CDYL: variants seen among roughly 807,000 people sequenced by gnomAD.
The protein encoded by CDYL is chromodomain Y-like protein.
In CDYL, 8 loss-of-function variants were observed where a neutral mutation model predicts 47.3. The observed-to-expected ratio is 0.17, with a 90% confidence interval of 0.10 to 0.31. The LOEUF is 0.31. Among genes scored for constraint, CDYL ranks in the 10% least tolerant of loss-of-function variants. The pLI is 1.00. For missense variants in CDYL, 471 were observed against 701.4 expected (o/e 0.67, Z 3.71); for synonymous variants, 266 against 265.0 (o/e 1.00, Z -0.04).
intron 1 of CDYL, among the ~76,000 whole-genome samples, chr6:4,804,343 C>T (rs1759310139): frequency 6.6e-6 from 1 of 152,218 alleles, no homozygotes; most frequent in South Asian, 2.1e-4. Flanking sequence ...AAGAACCTAG[C>T]TCCTAGGCTC....
intron 1 of CDYL, among the ~76,000 whole-genome samples, chr6:4,811,534 G>A (rs1759528413): frequency 6.6e-6 from 1 of 151,830 alleles, no homozygotes; most frequent in Non-Finnish European, 1.5e-5. Context: ...ATTTAGTAAG[G>A]AGATACTCAA....
chr6:4,929,238 CT>C (rs1757963981), intron 2 of CDYL, among the ~76,000 whole-genome samples: 1 of 148,976 alleles, frequency 6.7e-6, no homozygotes, highest in Non-Finnish European at 1.5e-5. Context: ...TTTTTTTTTT[CT>C]CTTCATACAC....
At chr6:4,816,694 G>A (rs1252355283) in intron 1 of CDYL, among the ~76,000 whole-genome samples, 1 of 151,756 alleles carries the variant, frequency 6.6e-6, no homozygotes, top group Non-Finnish European at 1.5e-5. Flanking sequence ...TTGCGATGTT[G>A]CCCAGGCTTG....
At chr6:4,731,662 G>A (rs906597387) in intron 2 of CDYL, among the ~76,000 whole-genome samples, 12 of 152,078 alleles carry the variant, frequency 7.9e-5, no homozygotes, top group African/African-American at 1.2e-4. Flanking sequence ...AGCCAGATGC[G>A]GTGGCATGCA....
chr6:4,763,687 A>G (rs150818806), intron 3 of CDYL, among the ~76,000 whole-genome samples: 16 of 152,344 alleles, frequency 1.1e-4, no homozygotes, highest in Admixed American at 5.9e-4. Context: ...TTACATCTGT[A>G]GTCCCAGCAC....
At chr6:4,791,825 A>C (rs2127435032) in intron 1 of CDYL, among the ~76,000 whole-genome samples, 1 of 152,210 alleles carries the variant, frequency 6.6e-6, no homozygotes, top group South Asian at 2.1e-4. Context: ...TAAACACAGA[A>C]TCGTATGCAT....
chr6:4,836,748 C>G (rs1008346184), intron 1 of CDYL, among the ~76,000 whole-genome samples: 1 of 152,144 alleles, frequency 6.6e-6, no homozygotes, highest in Non-Finnish European at 1.5e-5. Context: ...ATGCTGGTCT[C>G]TAGTGTGGCT....
intron 1 of CDYL, among the ~76,000 whole-genome samples, chr6:4,849,885 C>T (rs1346263942): frequency 2.5e-5 from 3 of 121,644 alleles, no homozygotes; most frequent in Non-Finnish European, 4.8e-5. Flanking sequence ...GATGGTGTGA[C>T]GTGCTCAGGA....
intron 1 of CDYL, among the ~76,000 whole-genome samples, chr6:4,844,419 A>T (rs1037471914): frequency 6.6e-6 from 1 of 152,168 alleles, no homozygotes; most frequent in African/African-American, 2.4e-5. Context: ...CTGCAGCAGC[A>T]ATCTGCTTCC....
intron 1 of CDYL, among the ~76,000 whole-genome samples, chr6:4,786,043 C>T (rs753463972): frequency 3.3e-5 from 5 of 152,068 alleles, no homozygotes; most frequent in Non-Finnish European, 5.9e-5. Flanking sequence ...TAAGTGTAAG[C>T]GAAAAAATTA....
At chr6:4,742,378 AAAAG>A (rs1417478994) in intron 3 of CDYL, among the ~76,000 whole-genome samples, 2 of 151,510 alleles carry the variant, frequency 1.3e-5, no homozygotes, top group Admixed American at 6.6e-5. Context: ...AAAAAAAAAA[AAAAG>A]AAAAGAAAAA....
chr6:4,789,829 G>A (rs1758870384), intron 1 of CDYL, among the ~76,000 whole-genome samples: 1 of 152,200 alleles, frequency 6.6e-6, no homozygotes, highest in Non-Finnish European at 1.5e-5. Context: ...ATGGGGAGTT[G>A]AACCATTCAG....
intron 2 of CDYL, among the ~76,000 whole-genome samples, chr6:4,922,040 G>A (rs1041916305): frequency 1.2e-4 from 18 of 152,160 alleles, no homozygotes; most frequent in African/African-American, 4.1e-4. Context: ...GGGTATGACG[G>A]AGGCTGCATT....
intron 2 of CDYL, among the ~76,000 whole-genome samples, chr6:4,892,679 AAGCTGTCT>A (rs1289241711): frequency 1.3e-5 from 2 of 151,962 alleles, no homozygotes; most frequent in Non-Finnish European, 2.9e-5. Context: ...CAAGTTTCTG[AAGCTGTCT>A]ACCTTTCTTC....
At chr6:4,846,248 C>A (rs2127461275) in intron 1 of CDYL, among the ~76,000 whole-genome samples, 1 of 151,366 alleles carries the variant, frequency 6.6e-6, no homozygotes, top group East Asian at 1.9e-4. Flanking sequence ...CATGTGCCCA[C>A]TGATAGCACC....
intron 2 of CDYL, among the ~76,000 whole-genome samples, chr6:4,720,551 A>G (rs915772799): frequency 6.6e-6 from 1 of 152,236 alleles, no homozygotes; most frequent in African/African-American, 2.4e-5. Context: ...GAAAATGTAA[A>G]GATACTACCA....
chr6:4,715,118 C>T (rs543685698), intron 1 of CDYL, among the ~76,000 whole-genome samples: 1 of 152,314 alleles, frequency 6.6e-6, no homozygotes, highest in South Asian at 2.1e-4. Flanking sequence ...GAAAATGCAT[C>T]GTGCTTTCTC....
chr6:4,852,334 CCCTCCTTCCTTCCTTCCAAT>C (rs1388393463), intron 1 of CDYL, among the ~76,000 whole-genome samples: 21 of 150,458 alleles, frequency 1.4e-4, no homozygotes, highest in African/African-American at 5.1e-4. Context: ...TTCCTTCCTT[CCCTCCTTCCTTCCTTCCAAT>C]CTTCCTTCCT....
chr6:4,805,278 C>G (rs1182755442), intron 1 of CDYL, among the ~76,000 whole-genome samples: 1 of 152,164 alleles, frequency 6.6e-6, no homozygotes, highest in Non-Finnish European at 1.5e-5. Flanking sequence ...CTCTATTCTG[C>G]TCCCCATTGG....
Sources: gnomAD v4.1 joint callset for allele counts (sites outside exome capture counted in the v4.1 genomes callset) on GRCh38, gnomAD v4.1.1 for gene constraint, MANE v1.5 for transcripts, NCBI Gene and HGNC (gene_info 2026-07-23, HGNC 2026-07-21) for gene names.